The following TRMT10B variants were observed in gnomAD, a reference collection of about 807,000 sequenced individuals.
TRMT10B encodes the protein tRNA methyltransferase 10B.
A neutral mutation model predicts 43.8 loss-of-function variants in TRMT10B; 33 were observed. The observed-to-expected ratio is 0.75, with a 90% CI of 0.57 to 1.01. TRMT10B has a LOEUF of 1.01. Among genes scored for constraint, TRMT10B ranks in the 50% least tolerant of loss-of-function variants. TRMT10B has a pLI of 0.00. For missense variants in TRMT10B, 362 were observed against 369.8 expected (o/e 0.98, Z 0.17); for synonymous variants, 137 against 130.6 (o/e 1.05, Z -0.34).
chr9:37,755,268 CTTTTTTTT>C (rs61444533), intron 1 of TRMT10B, among the ~76,000 whole-genome samples: 3 of 124,458 alleles, frequency 2.4e-5, no homozygotes, highest in African/African-American at 8.7e-5. Flanking sequence ...AAGACTCCGT[CTTTTTTTT>C]TTTTTTTTTT....
At chr9:37,768,373 T>A in intron 5 of TRMT10B, 145 bp downstream of exon 5, 1 of 931,228 alleles carries the variant, frequency 1.1e-6, no homozygotes, top group Non-Finnish European at 1.6e-6. Context: ...TTCTTAAATT[T>A]AAAATTTTTT....
intron 8 of TRMT10B, 119 bp from the exon 9 acceptor site, chr9:37,777,482 T>C (rs1305701556): frequency 6.3e-6 from 5 of 797,234 alleles, no homozygotes; most frequent in African/African-American, 1.7e-5. Flanking sequence ...CGCAAGACCT[T>C]AGTACCACAT....
At chr9:37,769,621 T>G (rs1589035342) in intron 5 of TRMT10B, 1 of 225,424 alleles carries the variant, frequency 4.4e-6, no homozygotes, top group East Asian at 9.2e-5. Context: ...GAGCGGGGTT[T>G]TTTTTTTTTT....
chr9:37,771,236 T>C (rs1235547540), intron 7 of TRMT10B, among the ~76,000 whole-genome samples: 1 of 152,226 alleles, frequency 6.6e-6, no homozygotes, highest in Non-Finnish European at 1.5e-5. Context: ...GATAATTGTT[T>C]ATATTTACTA....
intron 7 of TRMT10B, among the ~76,000 whole-genome samples, chr9:37,775,231 A>G (rs187470420): frequency 1.7e-4 from 26 of 152,344 alleles, no homozygotes; most frequent in Admixed American, 1.6e-3. Flanking sequence ...GTCATAGAGA[A>G]CAGACAATGA....
At position 37,778,266 on chromosome 9, in the gene TRMT10B, C is replaced by T. The variant is rs1230445579; in HGVS notation, c.*559C>T. ...GTGCAGTGGCTCACGCCTGTAATCC[C>T]AGCACTTTGGGAGGCTGAGGTGAGT... On this transcript the variant is annotated 3_prime_UTR_variant, in exon 9 of 9. Transcript: ENST00000297994. The T allele has an allele frequency of 6.6e-6, 1 of 152,468 alleles. No homozygotes were observed. The highest frequency in any genetic ancestry group is 1.5e-5 in the Non-Finnish European group (1 of 68,336). 9.4% of individuals were successfully genotyped at this position (152,468 alleles called of 1,614,324 possible). A position where few individuals can be genotyped will look rare whatever the true frequency, so the allele number is the denominator to read the frequency against.
At chr9:37,776,908 A>C (rs751065109) in intron 8 of TRMT10B, among the ~76,000 whole-genome samples, 1 of 150,758 alleles carries the variant, frequency 6.6e-6, no homozygotes, top group Non-Finnish European at 1.5e-5. Flanking sequence ...AAAACAAAAA[A>C]AAAAGCTGGG....
intron 6 of TRMT10B, 74 bp downstream of exon 6, chr9:37,770,093 T>C (rs1827402122): frequency 1.5e-6 from 2 of 1,368,322 alleles, no homozygotes; most frequent in East Asian, 2.3e-5. Flanking sequence ...CAGAATTTAT[T>C]AAAGCCCCTC....
chr9:37,778,118 T>C lies in TRMT10B; in HGVS notation c.*411T>C. 5.7e-6 allele frequency: 1 copy of C among 174,430 alleles called. No homozygotes were observed. Among genetic ancestry groups the C allele is most frequent in the South Asian group, 1.3e-4 (1 of 7,822 alleles). 10.8% of individuals were successfully genotyped at this position (174,430 alleles called of 1,614,324 possible). A position where few individuals can be genotyped will look rare whatever the true frequency, so the allele number is the denominator to read the frequency against. ...TGGCACATAGGCAAGTGTCTTTGCATGACATCTTCTCAGAGCTTCACAATA... is the reference window on the plus strand; with the variant it reads ...TGGCACATAGGCAAGTGTCTTTGCACGACATCTTCTCAGAGCTTCACAATA... On this transcript the variant is annotated 3_prime_UTR_variant, in exon 9 of 9. Coordinates refer to ENST00000297994, the MANE Select transcript of TRMT10B (RefSeq NM_144964.4).
In TRMT10B at chr9:37,778,178, C is replaced by T. The variant is rs1002993476; in HGVS notation, c.*471C>T. The stretch of plus-strand genomic sequence containing the variant: ...ACCACATTTAATGCTTTTTAATCTC[C>T]CATAGTGCCTGGCTCACAGGAAGTG... On this transcript the variant is annotated 3_prime_UTR_variant, in exon 9 of 9. Coordinates refer to ENST00000297994, the MANE Select transcript of TRMT10B (RefSeq NM_144964.4). The T allele has an allele frequency of 1.3e-5, 2 of 157,320 alleles. No individual in the cohort carries two copies. Among genetic ancestry groups the T allele is most frequent in the Non-Finnish European group, 2.8e-5 (2 of 71,550 alleles). The allele number at this position is 157,320 out of a possible 1,614,324, so 9.7% of individuals were successfully genotyped here. A position where few individuals can be genotyped will look rare whatever the true frequency, so the allele number is the denominator to read the frequency against.
intron 1 of TRMT10B, among the ~76,000 whole-genome samples, chr9:37,760,984 C>T (rs756414917): frequency 2.6e-5 from 4 of 152,146 alleles, no homozygotes; most frequent in Non-Finnish European, 4.4e-5. Context: ...TAGTATTCAA[C>T]CTCAGCACTT....
chr9:37,757,303 C>G (rs1219485723), intron 1 of TRMT10B, among the ~76,000 whole-genome samples: 2 of 152,108 alleles, frequency 1.3e-5, no homozygotes, highest in Non-Finnish European at 1.5e-5. Context: ...CTTGAACCCC[C>G]AGGCTCAATT....
intron 1 of TRMT10B, among the ~76,000 whole-genome samples, chr9:37,758,086 T>C (rs1825909771): frequency 6.6e-6 from 1 of 152,176 alleles, no homozygotes; most frequent in Non-Finnish European, 1.5e-5. Flanking sequence ...TAGCCATCTC[T>C]ACAGTGAATA....
intron 5 of TRMT10B, chr9:37,769,551 G>A (rs1251604710): frequency 1.1e-5 from 2 of 183,996 alleles, no homozygotes; most frequent in Non-Finnish European, 2.3e-5. Flanking sequence ...GCAGTTCCTT[G>A]ATAAACCTAG....
chr9:37,776,823 TG>T (rs1486421386), intron 8 of TRMT10B, among the ~76,000 whole-genome samples: 1 of 151,350 alleles, frequency 6.6e-6, no homozygotes, highest in Non-Finnish European at 1.5e-5. Context: ...CACTTGAACC[TG>T]GGAAGTGGAG....
chr9:37,763,922 G>A (rs1182854620), intron 4 of TRMT10B, 169 bp downstream of exon 4: 16 of 1,344,980 alleles, frequency 1.2e-5, no homozygotes, highest in East Asian at 1.1e-4. Context: ...CTGTTGTAAC[G>A]AACCTGGAAG....
At chr9:37,762,522 C>T in intron 2 of TRMT10B, 55 bp from the exon 3 acceptor site, 1 of 1,521,926 alleles carries the variant, frequency 6.6e-7, no homozygotes, top group Non-Finnish European at 8.8e-7. Context: ...TGTTCATTTT[C>T]CTTTTTTGGT....
chr9:37,770,568 A>G, intron 6 of TRMT10B, 104 bp from the exon 7 acceptor site: 1 of 1,078,026 alleles, frequency 9.3e-7, no homozygotes, highest in South Asian at 1.5e-5. Context: ...TTTGTTTTCT[A>G]CTGAATTTCT....
chr9:37,772,187 T>TA (rs1474667394), intron 7 of TRMT10B, among the ~76,000 whole-genome samples: 2 of 152,080 alleles, frequency 1.3e-5, no homozygotes, highest in Non-Finnish European at 2.9e-5. Flanking sequence ...AATTTTTATA[T>TA]TTTTTTGTAG....
Sources: gnomAD v4.1 joint callset for allele counts (sites outside exome capture counted in the v4.1 genomes callset) on GRCh38, gnomAD v4.1.1 for gene constraint, MANE v1.5 for transcripts, NCBI Gene and HGNC (gene_info 2026-07-23, HGNC 2026-07-21) for gene names.